Variants in ZPBP observed in about 807,000 individuals in gnomAD.
ZPBP encodes zona pellucida-binding protein 1.
Under a neutral mutation model 44.8 loss-of-function variants are expected in ZPBP, and 26 were observed. The observed-to-expected ratio is 0.58, with a 90% CI of 0.43 to 0.81. ZPBP has a LOEUF of 0.81. Ranked by LOEUF, ZPBP falls within the 30% of genes least tolerant of loss-of-function variation. ZPBP has a pLI of 0.00. For synonymous variants in ZPBP, 174 were observed against 153.2 expected, an observed-to-expected ratio of 1.14 and a Z score of -1.00; for missense variants, 409 against 434.0, an observed-to-expected ratio of 0.94 and a Z score of 0.51.
In ZPBP at chr7:50,052,341, T is replaced by A. The variant is rs866334413; in HGVS notation, c.487+5648A>T. Among the ~76,000 whole-genome samples the A allele has an allele frequency of 6.6e-5, 10 of 152,236 alleles. 1 individual carries two copies. Among genetic ancestry groups the A allele is most frequent in the Middle Eastern group, 6.8e-3 (2 of 294 alleles). ...GATGTACAGATGGCAAATAAACTCA[T>A]AAAATATATTTAATACATCATTAGA... On this transcript the variant is annotated intron_variant, in intron 4 of 7. Coordinates refer to ENST00000046087, the MANE Select transcript of ZPBP (RefSeq NM_007009.3).
intron 2 of ZPBP, among the ~76,000 whole-genome samples, chr7:50,088,725 T>C (rs969859895): frequency 6.6e-6 from 1 of 151,892 alleles, no homozygotes; most frequent in African/African-American, 2.4e-5. Context: ...TTACACATAC[T>C]AGGATAGCTA....
chr7:49,995,744 AT>A (rs1257331869), intron 6 of ZPBP, among the ~76,000 whole-genome samples: 1 of 152,032 alleles, frequency 6.6e-6, no homozygotes, highest in Non-Finnish European at 1.5e-5. Flanking sequence ...ACTGGAGACC[AT>A]TATGTTACGT....
At chr7:49,914,635 C>G (rs1793623944) in intron 1 of ZPBP, 1 of 152,196 alleles carries the variant, frequency 6.6e-6, no homozygotes, top group Admixed American at 6.5e-5. Context: ...TGTCCAAGAT[C>G]AACTTCTTCT....
intron 2 of ZPBP, among the ~76,000 whole-genome samples, chr7:49,887,885 G>C (rs182447239): frequency 6.6e-6 from 1 of 152,146 alleles, no homozygotes; most frequent in Non-Finnish European, 1.5e-5. Context: ...CTAGCTGCTG[G>C]TTTCTTCCTT....
At chr7:49,935,318 A>G (rs1009047823), downstream of ZPBP, among the ~76,000 whole-genome samples, 7 of 152,006 alleles carry the variant, frequency 4.6e-5, no homozygotes, top group African/African-American at 1.7e-4. Flanking sequence ...ACATTTTACT[A>G]TGAGACCCAA....
chr7:49,907,458 G>T (rs775324268), intron 1 of ZPBP, among the ~76,000 whole-genome samples: 1 of 152,088 alleles, frequency 6.6e-6, no homozygotes, highest in Admixed American at 6.6e-5. Context: ...ATAACAGTAG[G>T]ATAAAAATAG....
At chr7:50,011,469 T>C (rs539324771) in intron 6 of ZPBP, among the ~76,000 whole-genome samples, 3 of 152,332 alleles carry the variant, frequency 2.0e-5, no homozygotes, top group Admixed American at 6.5e-5. Flanking sequence ...TATGTGGTCC[T>C]TCACAAGGAA....
intron 3 of ZPBP, among the ~76,000 whole-genome samples, chr7:50,069,145 T>C (rs1164293606): frequency 6.6e-6 from 1 of 152,174 alleles, no homozygotes; most frequent in East Asian, 1.9e-4. Flanking sequence ...TCATGTGAGA[T>C]TGACAGCCTG....
intron 6 of ZPBP, 85 bp from the exon 7 acceptor site, chr7:49,983,604 T>G (rs1258254872): frequency 2.3e-6 from 2 of 873,188 alleles, no homozygotes; most frequent in African/African-American, 1.7e-5. Flanking sequence ...GATTTAGAAT[T>G]TAAAGAAAAC....
chr7:49,925,909 T>C (rs892867047), intron 1 of ZPBP, among the ~76,000 whole-genome samples: 1 of 152,234 alleles, frequency 6.6e-6, no homozygotes, highest in Non-Finnish European at 1.5e-5. Context: ...CATGTTGAGC[T>C]TGGGGAAGGG....
intron 4 of ZPBP, 39 bp downstream of exon 4, chr7:50,057,950 A>G (rs1239289130): frequency 1.3e-6 from 2 of 1,571,324 alleles, no homozygotes; most frequent in African/African-American, 2.7e-5. Flanking sequence ...GTTTAAAATC[A>G]TTAAGAAAGG....
At chr7:49,903,519 C>T (rs188470936) in intron 1 of ZPBP, among the ~76,000 whole-genome samples, 132 of 152,212 alleles carry the variant, frequency 8.7e-4, no homozygotes, top group Middle Eastern at 3.4e-3. Context: ...ATTCCACTTA[C>T]GTAGTATTCT....
At chr7:49,918,855 T>C (rs1583838710) in intron 1 of ZPBP, 1 of 151,776 alleles carries the variant, frequency 6.6e-6, no homozygotes, top group Admixed American at 6.6e-5. Context: ...GGATCAGGAG[T>C]TTGAGGCCAA....
At chr7:49,864,638 C>T (rs745501640) in intron 2 of ZPBP, among the ~76,000 whole-genome samples, 18 of 152,300 alleles carry the variant, frequency 1.2e-4, no homozygotes, top group South Asian at 4.1e-4. Flanking sequence ...TCTTCCATCC[C>T]GAATGGCTTC....
In ZPBP at chr7:49,981,553, A is replaced by AAATTATATATTATATAATTATAT. The variant is rs1562819973; in HGVS notation, c.961+1766_961+1788dup. Among the ~76,000 whole-genome samples, 62 of 77,814 alleles carry AAATTATATATTATATAATTATAT rather than the reference A, an allele frequency of 8.0e-4. 3 individuals carry two copies. The highest frequency in any genetic ancestry group is 5.0e-3 in the East Asian group (7 of 1,398). 51.0% of individuals were successfully genotyped at this position (77,814 alleles called of 152,430 possible). Reference sequence around the variant, plus strand: ...ATATTATAATTTTATATAATTATATAAATTATATATTATATAATTATATAA... The same window carrying AAATTATATATTATATAATTATAT: ...ATATTATAATTTTATATAATTATATAAATTATATATTATATAATTATATAATTATATATTATATAATTATATAA... On this transcript the variant is annotated intron_variant, in intron 7 of 7. Coordinates refer to ENST00000046087, the MANE Select transcript of ZPBP (RefSeq NM_007009.3).
In ZPBP at chr7:50,093,059, G is replaced by A. The variant is rs751839673; in HGVS notation, c.127+9C>T. On this transcript the variant is annotated intron_variant, in intron 1 of 7. Coordinates refer to ENST00000046087, the MANE Select transcript of ZPBP (RefSeq NM_007009.3). ...CCTGCGGAGCCGGCAGGGCGGCGCG[G>A]ACCCTCACCTGATGAGGGCACCCGC... is the stretch of plus-strand genomic sequence containing the variant. 2.5e-6 allele frequency: 4 copies of A among 1,598,322 alleles called. No homozygotes were observed. In the Admixed American group the frequency reaches 5.1e-5, roughly 21 times the overall value.
intron 7 of ZPBP, among the ~76,000 whole-genome samples, chr7:49,938,927 C>T (rs1195166742): frequency 6.6e-6 from 1 of 151,862 alleles, no homozygotes; most frequent in African/African-American, 2.4e-5. Context: ...AATATTTTAC[C>T]ATTTTTTAGA....
At chr7:50,025,511 G>A (rs138000389) in intron 5 of ZPBP, among the ~76,000 whole-genome samples, 187 of 151,628 alleles carry the variant, frequency 1.2e-3, no homozygotes, top group African/African-American at 4.2e-3. Flanking sequence ...ATTCACAAAG[G>A]AAAAAAACGG....
chr7:49,896,254 T>G (rs148330572), intron 2 of ZPBP, among the ~76,000 whole-genome samples: 479 of 152,218 alleles, frequency 3.1e-3, no homozygotes, highest in African/African-American at 0.011. Flanking sequence ...GGCACAAGAA[T>G]CGCTTGAACC....
Sources: allele counts gnomAD v4.1 joint callset (sites outside exome capture counted in the v4.1 genomes callset), GRCh38; gene constraint gnomAD v4.1.1; transcripts MANE v1.5; gene names NCBI Gene and HGNC (gene_info 2026-07-23, HGNC 2026-07-21).